The following FHIT variants were observed in gnomAD, a reference collection of about 807,000 sequenced individuals.
FHIT encodes fragile histidine triad diadenosine triphosphatase.
In FHIT, 19 loss-of-function variants were observed where a neutral mutation model predicts 17.9. The ratio of observed to expected loss-of-function variants is 1.06; its 90% CI spans 0.74 to 1.56. The LOEUF is 1.56. FHIT is among the 40% of genes most tolerant of loss of function. The pLI, the probability that FHIT is intolerant of heterozygous loss-of-function variation, is 0.00. For synonymous variants in FHIT, 81 were observed against 69.7 expected (o/e 1.16, Z -0.81); for missense variants, 248 against 189.2 (o/e 1.31, Z -1.82).
intron 5 of FHIT, among the ~76,000 whole-genome samples, chr3:60,469,888 C>A (rs2032992449): frequency 1.3e-5 from 2 of 152,154 alleles, no homozygotes; most frequent in South Asian, 4.2e-4. Context: ...CCCAATAACA[C>A]TGTGGCTATT....
chr3:59,848,350 TAC>T (rs150446419), intron 8 of FHIT, among the ~76,000 whole-genome samples: 2,802 of 152,218 alleles, frequency 0.018, 90 homozygotes, highest in African/African-American at 0.064. Context: ...TATGTGGAAA[TAC>T]AGATTTCTCA....
intron 2 of FHIT, among the ~76,000 whole-genome samples, chr3:61,091,442 A>G (rs181451124): frequency 1.3e-5 from 2 of 152,280 alleles, no homozygotes; most frequent in African/African-American, 4.8e-5. Flanking sequence ...AAATTAGATA[A>G]TCAATCTATG....
At chr3:60,901,621 C>G (rs1214930881) in intron 3 of FHIT, among the ~76,000 whole-genome samples, 2 of 152,170 alleles carry the variant, frequency 1.3e-5, no homozygotes, top group Middle Eastern at 3.2e-3. Context: ...ACTGGGTGTC[C>G]AAGTAGCAGT....
At chr3:60,994,105 T>G (rs1037716924) in intron 3 of FHIT, among the ~76,000 whole-genome samples, 42 of 152,366 alleles carry the variant, frequency 2.8e-4, no homozygotes, top group Non-Finnish European at 5.3e-4. Flanking sequence ...ATTTTAAAGA[T>G]ATTGGGTTAA....
At chr3:60,732,217 A>G in intron 4 of FHIT, 1 of 828,508 alleles carries the variant, frequency 1.2e-6, no homozygotes. Flanking sequence ...AAAGTGTTCC[A>G]TGGCCTCCAT....
intron 4 of FHIT, among the ~76,000 whole-genome samples, chr3:60,712,838 A>G (rs2041575524): frequency 6.9e-6 from 1 of 144,976 alleles, no homozygotes. Flanking sequence ...GGAGACTTTA[A>G]CACCCCACTG....
chr3:60,938,914 T>C (rs1201335638), intron 3 of FHIT, among the ~76,000 whole-genome samples: 1 of 152,256 alleles, frequency 6.6e-6, no homozygotes, highest in Non-Finnish European at 1.5e-5. Flanking sequence ...GGTTAAAATA[T>C]GTTCATTGTA....
At chr3:60,070,820 A>G (rs1702735442) in intron 5 of FHIT, among the ~76,000 whole-genome samples, 2 of 152,132 alleles carry the variant, frequency 1.3e-5, no homozygotes, top group South Asian at 4.1e-4. Flanking sequence ...AAATTCCTTA[A>G]TATCTTTCTT....
At chr3:60,028,877 A>AT (rs1430109169) in intron 5 of FHIT, among the ~76,000 whole-genome samples, 1 of 152,176 alleles carries the variant, frequency 6.6e-6, no homozygotes, top group African/African-American at 2.4e-5. Flanking sequence ...AAAACGTCCT[A>AT]TTTCATGACA....
chr3:60,036,552 A>G (rs1207058863), intron 5 of FHIT, among the ~76,000 whole-genome samples: 1 of 152,220 alleles, frequency 6.6e-6, no homozygotes, highest in Non-Finnish European at 1.5e-5. Context: ...TTTCTTATTT[A>G]TATCATAAAG....
At chr3:60,421,284 A>G (rs1445423284) in intron 5 of FHIT, among the ~76,000 whole-genome samples, 2 of 152,024 alleles carry the variant, frequency 1.3e-5, no homozygotes, top group African/African-American at 4.8e-5. Context: ...GATTTACTGT[A>G]TCTAATCTCA....
chr3:60,755,035 CT>C (rs1269514241), intron 4 of FHIT, among the ~76,000 whole-genome samples: 2 of 152,130 alleles, frequency 1.3e-5, no homozygotes, highest in African/African-American at 4.8e-5. Flanking sequence ...AGAGAAAAAC[CT>C]GGTGGGATTC....
chr3:60,782,745 T>C (rs530504487), intron 4 of FHIT, among the ~76,000 whole-genome samples: 3 of 152,134 alleles, frequency 2.0e-5, no homozygotes, highest in Non-Finnish European at 4.4e-5. Flanking sequence ...GGCTGGGAAG[T>C]CCAAGGTCAA....
intron 2 of FHIT, among the ~76,000 whole-genome samples, chr3:61,100,863 G>A (rs2035798622): frequency 1.3e-5 from 2 of 152,164 alleles, no homozygotes; most frequent in Non-Finnish European, 2.9e-5. Context: ...GTCTTCTTTT[G>A]AGAAGTGTCT....
At position 60,643,562 on chromosome 3, in the gene FHIT, CAA is replaced by C. The variant is rs1393841897; in HGVS notation, c.-17-106585_-17-106584del. Among the ~76,000 whole-genome samples, 20 of 152,242 alleles carry C rather than the reference CAA, an allele frequency of 1.3e-4. 1 individual carries two copies. Among genetic ancestry groups the C allele is most frequent in the Admixed American group, 7.9e-4 (12 of 15,286 alleles). On this transcript the variant is annotated intron_variant, in intron 4 of 9. Transcript: ENST00000492590. ...AATCCTACATCTAGATTCACAGATG[CAA>C]AAGTGTTTAATAAAACCAAGTTACT...
At chr3:60,309,632 A>T (rs1708849459) in intron 5 of FHIT, among the ~76,000 whole-genome samples, 1 of 152,102 alleles carries the variant, frequency 6.6e-6, no homozygotes, top group Admixed American at 6.6e-5. Context: ...AAACCCTGAG[A>T]TCCAAGGGTT....
At chr3:61,149,243 C>A (rs898817714) in intron 2 of FHIT, among the ~76,000 whole-genome samples, 2 of 151,878 alleles carry the variant, frequency 1.3e-5, no homozygotes, top group Non-Finnish European at 2.9e-5. Context: ...CTACCCCATG[C>A]CAGGGGAAAA....
chr3:60,126,648 A>G (rs1705564945), intron 5 of FHIT, among the ~76,000 whole-genome samples: 1 of 152,184 alleles, frequency 6.6e-6, no homozygotes, highest in Non-Finnish European at 1.5e-5. Flanking sequence ...TCACAACAGA[A>G]CTCAGATTCA....
chr3:60,789,173 T>TAGAGAGAGAG (rs1443026766), intron 4 of FHIT, among the ~76,000 whole-genome samples: 16 of 98,668 alleles, frequency 1.6e-4, no homozygotes, highest in African/African-American at 6.1e-4. Context: ...TATATATATA[T>TAGAGAGAGAG]ATAGAGAGAG....
Sources: gnomAD v4.1 joint callset for allele counts (sites outside exome capture counted in the v4.1 genomes callset) on GRCh38, gnomAD v4.1.1 for gene constraint, MANE v1.5 for transcripts, NCBI Gene and HGNC (gene_info 2026-07-23, HGNC 2026-07-21) for gene names.